KIF27: variants seen among roughly 807,000 people sequenced by gnomAD.
KIF27 encodes kinesin-like protein KIF27.
Under a neutral mutation model 141.8 loss-of-function variants are expected in KIF27, and 84 were observed. The ratio of observed to expected loss-of-function variants is 0.59; its 90% CI spans 0.50 to 0.71. The LOEUF (loss-of-function observed/expected upper bound fraction) is 0.71, where lower values mean the gene tolerates loss of function less well. Among genes scored for constraint, KIF27 ranks in the 30% least tolerant of loss-of-function variants. The pLI is 0.00. For missense variants in KIF27, 1,306 were observed against 1,628.4 expected, an observed-to-expected ratio of 0.80 and a Z score of 3.41; for synonymous variants, 471 against 569.5, an observed-to-expected ratio of 0.83 and a Z score of 2.46.
Position 83,853,780 on chromosome 9 carries a change from A to T in KIF27, c.3206T>A (p.Ile1069Asn). 1.2e-6 allele frequency: 2 copies of T among 1,613,762 alleles called. No homozygotes were observed. The highest frequency in any genetic ancestry group is 1.1e-5 in the South Asian group (1 of 91,060). The change falls in exon 15 of 18, where the codon ATT (isoleucine) becomes AAT (asparagine). Residue 1069 changes from isoleucine (I) to asparagine (N), a missense_variant. Coordinates refer to ENST00000297814, the MANE Select transcript of KIF27 (RefSeq NM_017576.4). ...EEGIEALEAA[I>N]EYRNESIQNR... is the part of the protein sequence containing the mutation. ...CTGGATACTTTCATTCCTGTATTCA[A>T]TTGCAGCTTCCAAAGCTTCAATCCC...
At chr9:83,849,527 G>A (rs1482472950) in intron 16 of KIF27, 2 of 153,432 alleles carry the variant, frequency 1.3e-5, no homozygotes, top group Non-Finnish European at 2.9e-5. Flanking sequence ...TAGGTAAAAT[G>A]AGGCCAGATC....
chr9:83,907,158 C>T (rs532931988), intron 3 of KIF27, among the ~76,000 whole-genome samples: 11 of 151,696 alleles, frequency 7.3e-5, no homozygotes, highest in African/African-American at 2.2e-4. Context: ...GACATGGTGG[C>T]GGGCGCCTGT....
In KIF27 at chr9:83,861,380, C is replaced by T. The variant is rs1179887602; in HGVS notation, c.2935-2009G>A. ...GTGTGTGATGTTCCCCTTCCTGTGT[C>T]CAAGTGTTCTCATTGTTCAATTCCC... On this transcript the variant is annotated intron_variant, in intron 13 of 17. Coordinates refer to ENST00000297814, the MANE Select transcript of KIF27 (RefSeq NM_017576.4). Among the ~76,000 whole-genome samples, 3 of 148,626 alleles carry T rather than the reference C, an allele frequency of 2.0e-5. No homozygotes were observed. In the East Asian group the frequency reaches 6.2e-4, roughly 31 times the overall value.
intron 6 of KIF27, 62 bp from the exon 7 acceptor site, chr9:83,889,315 C>G: frequency 6.9e-7 from 1 of 1,459,152 alleles, no homozygotes; most frequent in Non-Finnish European, 9.3e-7. Context: ...CTAATTTTAT[C>G]CTATTACTCT....
At chr9:83,894,327 C>T (rs1451492074) in intron 5 of KIF27, among the ~76,000 whole-genome samples, 6 of 152,190 alleles carry the variant, frequency 3.9e-5, no homozygotes, top group Admixed American at 2.6e-4. Flanking sequence ...ATATAAACAT[C>T]ACACTAGCAA....
chr9:83,863,476 A>G (rs1950108568), intron 13 of KIF27, among the ~76,000 whole-genome samples: 1 of 152,158 alleles, frequency 6.6e-6, no homozygotes. Flanking sequence ...GCTGGATTAC[A>G]TTTATTGATT....
chr9:83,870,355 C>T (rs758270046), intron 12 of KIF27, among the ~76,000 whole-genome samples, 164 bp downstream of exon 12: 46 of 152,108 alleles, frequency 3.0e-4, no homozygotes, highest in Admixed American at 2.6e-3. Flanking sequence ...TTAGTAGAGA[C>T]GGGGTTTTAC....
chr9:83,873,245 G>C (rs1183186635), intron 11 of KIF27, among the ~76,000 whole-genome samples: 1 of 152,106 alleles, frequency 6.6e-6, no homozygotes, highest in Admixed American at 6.6e-5. Context: ...GTGGACAAGG[G>C]AGCACAATTT....
chr9:83,890,462 T>C (rs1383123160), intron 6 of KIF27, among the ~76,000 whole-genome samples: 1 of 152,254 alleles, frequency 6.6e-6, no homozygotes, highest in African/African-American at 2.4e-5. Context: ...TTGGGAATTA[T>C]TTAAGGAGCA....
chr9:83,900,732 C>CGTATATATATACGTGTATATATAT (rs1953788289), intron 4 of KIF27, among the ~76,000 whole-genome samples: 1 of 151,756 alleles, frequency 6.6e-6, no homozygotes, highest in Non-Finnish European at 1.5e-5. Flanking sequence ...TATATATACA[C>CGTATATATATACGTGTATATATAT]GTATATATAT....
intron 15 of KIF27, among the ~76,000 whole-genome samples, chr9:83,851,806 ACT>A (rs1268073870): frequency 6.6e-6 from 1 of 152,326 alleles, no homozygotes; most frequent in East Asian, 1.9e-4. Flanking sequence ...CAGAAAATCC[ACT>A]GACCTTAGCC....
intron 15 of KIF27, among the ~76,000 whole-genome samples, 175 bp from the exon 16 acceptor site, chr9:83,850,472 C>T (rs1948417488): frequency 6.6e-6 from 1 of 152,138 alleles, no homozygotes; most frequent in Non-Finnish European, 1.5e-5. Flanking sequence ...AACAACCTAA[C>T]AGCCTTTTGA....
chr9:83,915,204 T>C (rs1193841076), intron 2 of KIF27, 90 bp downstream of exon 2: 3 of 1,009,462 alleles, frequency 3.0e-6, no homozygotes, highest in African/African-American at 3.3e-5. Flanking sequence ...TCAATCAATA[T>C]GCTAAACACC....
At chr9:83,881,594 T>C (rs908830321) in intron 10 of KIF27, among the ~76,000 whole-genome samples, 2 of 152,232 alleles carry the variant, frequency 1.3e-5, no homozygotes, top group Non-Finnish European at 2.9e-5. Flanking sequence ...ACTTTTTTGA[T>C]CAAGGAAGCT....
intron 13 of KIF27, among the ~76,000 whole-genome samples, chr9:83,860,980 GT>G (rs1343313869): frequency 6.6e-6 from 1 of 151,802 alleles, no homozygotes; most frequent in Admixed American, 6.6e-5. Context: ...TTCCTCACGA[GT>G]TTAAAGATTG....
chr9:83,844,351 T>G (rs1484559162), intron 16 of KIF27, among the ~76,000 whole-genome samples: 2 of 109,686 alleles, frequency 1.8e-5, no homozygotes, highest in Admixed American at 8.0e-5. Context: ...TATATAGATA[T>G]CTATATCTAT....
intron 9 of KIF27, 108 bp downstream of exon 9, chr9:83,886,933 C>A (rs1000136989): frequency 1.6e-6 from 2 of 1,220,630 alleles, no homozygotes; most frequent in Admixed American, 3.5e-5. Context: ...CCAATCCAAG[C>A]TAAGTGGATA....
At chr9:83,860,126 T>G in intron 13 of KIF27, 1 of 152,204 alleles carries the variant, frequency 6.6e-6, no homozygotes, top group Non-Finnish European at 1.5e-5. Flanking sequence ...TATGGTCAGA[T>G]TTATGGAGAT....
intron 17 of KIF27, 22 bp downstream of exon 17, chr9:83,842,215 G>A (rs748748563): frequency 1.3e-6 from 2 of 1,517,248 alleles, no homozygotes; most frequent in African/African-American, 1.4e-5. Flanking sequence ...AGTGTTAAGA[G>A]TGACAACACT....
Sources: gnomAD v4.1 joint callset for allele counts (sites outside exome capture counted in the v4.1 genomes callset) on GRCh38, gnomAD v4.1.1 for gene constraint, MANE v1.5 for transcripts, NCBI Gene and HGNC (gene_info 2026-07-23, HGNC 2026-07-21) for gene names.